SIAH1: variants seen among roughly 807,000 people sequenced by gnomAD.
SIAH1 encodes the protein siah E3 ubiquitin protein ligase 1, also known as E3 ubiquitin-protein ligase SIAH1.
In SIAH1, 2 loss-of-function variants were observed where a neutral mutation model predicts 20.0. That is an observed-to-expected ratio of 0.10 (90% CI 0.04 to 0.31). The LOEUF (loss-of-function observed/expected upper bound fraction) is 0.31. Among genes scored for constraint, SIAH1 ranks in the 10% least tolerant of loss-of-function variants. The probability of loss-of-function intolerance (pLI) is 1.00; values close to 1 mark genes in which losing one functional copy is unlikely to be tolerated. For missense variants in SIAH1, 119 were observed against 355.3 expected, an observed-to-expected ratio of 0.33 and a Z score of 5.35; for synonymous variants, 118 against 125.3, an observed-to-expected ratio of 0.94 and a Z score of 0.39.
At chr16:48,384,327 T>G (rs887802965) in intron 1 of SIAH1, among the ~76,000 whole-genome samples, 17 of 152,188 alleles carry the variant, frequency 1.1e-4, no homozygotes, top group Middle Eastern at 3.2e-3. Flanking sequence ...GCTGGACTTT[T>G]CTGAATGTCC....
At chr16:48,374,817 G>C (rs1439514646) in intron 1 of SIAH1, among the ~76,000 whole-genome samples, 1 of 152,162 alleles carries the variant, frequency 6.6e-6, no homozygotes, top group Non-Finnish European at 1.5e-5. Flanking sequence ...GGCTCAAACT[G>C]AATAACTTTG....
chr16:48,369,435 C>T (rs1402178535), intron 1 of SIAH1, among the ~76,000 whole-genome samples: 1 of 152,198 alleles, frequency 6.6e-6, no homozygotes, highest in Non-Finnish European at 1.5e-5. Flanking sequence ...GAGGCTTCCA[C>T]CCAAGCTAAA....
intron 1 of SIAH1, among the ~76,000 whole-genome samples, chr16:48,367,975 G>A (rs1245505048): frequency 1.3e-5 from 2 of 152,190 alleles, no homozygotes; most frequent in Non-Finnish European, 2.9e-5. Context: ...TTTAGAATCA[G>A]CCTTTAATGT....
upstream of SIAH1, among the ~76,000 whole-genome samples, chr16:48,386,497 A>G (rs1425426226): frequency 6.6e-6 from 1 of 152,172 alleles, no homozygotes; most frequent in Non-Finnish European, 1.5e-5. Flanking sequence ...ACAGAGCGAG[A>G]CTCTGTCTCA....
chr16:48,373,553 C>CACT (rs1297855364), intron 1 of SIAH1, among the ~76,000 whole-genome samples: 1 of 152,150 alleles, frequency 6.6e-6, no homozygotes, highest in Non-Finnish European at 1.5e-5. Context: ...CTACCTCTAC[C>CACT]ACTACCATCT....
rs778144021 is a variant in SIAH1, at chr16:48,385,294, T to C, written c.-93A>G. On this transcript the variant is annotated 5_prime_UTR_variant, in exon 1 of 2. Transcript: ENST00000394725. The stretch of plus-strand genomic sequence containing the variant: ...CCACCGCGGGCAGCGCCACCGCCTC[T>C]TCCCGGCGCCGAGACCGACGGGACA... 33 of 282,052 alleles carry C rather than the reference T, an allele frequency of 1.2e-4. No homozygotes were observed. The highest frequency in any genetic ancestry group is 7.9e-4 in the South Asian group (30 of 38,148). The allele number at this position is 282,052 out of a possible 1,614,324, so 17.5% of individuals were successfully genotyped here.
chr16:48,363,938 ATCT>A (rs2151045844), intron 1 of SIAH1: 1 of 124,594 alleles, frequency 8.0e-6, no homozygotes, highest in African/African-American at 3.1e-5. Flanking sequence ...CTAAGCCATA[ATCT>A]TTTTTTTTTT....
At chr16:48,369,996 A>T (rs74713666) in intron 1 of SIAH1, among the ~76,000 whole-genome samples, 1 of 152,208 alleles carries the variant, frequency 6.6e-6, no homozygotes, top group Admixed American at 6.5e-5. Context: ...ACAGCTTACA[A>T]TCCTGGTCAC....
At chr16:48,372,790 G>A (rs1421639876) in intron 1 of SIAH1, among the ~76,000 whole-genome samples, 1 of 152,138 alleles carries the variant, frequency 6.6e-6, no homozygotes, top group Non-Finnish European at 1.5e-5. Context: ...TTTCATAACC[G>A]TAAGTCAATC....
rs1374611846 is a variant in SIAH1 at position 48,361,953 on chromosome 16, T to G, written c.476A>C (p.Gln159Pro). 6.2e-7 allele frequency: 1 copy of G among 1,614,120 alleles called. No individual in the cohort carries two copies. The highest frequency in any genetic ancestry group is 8.5e-7 in the Non-Finnish European group (1 of 1,180,012). Reference protein sequence around the residue: ...MHQHKSITTLQGEDIVFLATD... With the variant: ...MHQHKSITTLPGEDIVFLATD... Reference sequence around the variant, plus strand: ...AGCAAGAAAAACTATATCCTCTCCCTGTAGGGTTGTAATGGACTTATGCTG... The same window carrying G: ...AGCAAGAAAAACTATATCCTCTCCCGGTAGGGTTGTAATGGACTTATGCTG... The change falls in exon 2 of 2, where the codon CAG becomes CCG. Residue 159 changes from glutamine (Q) to proline (P), a missense_variant. Gln to Pro is a moderately conservative substitution (Grantham distance 76). Transcript: ENST00000394725.
In SIAH1 at chr16:48,361,463, C is replaced by T; in HGVS notation, c.*117G>A. 1.1e-6 allele frequency: 1 copy of T among 935,084 alleles called. No individual in the cohort carries two copies. Among genetic ancestry groups the T allele is most frequent in the Non-Finnish European group, 1.7e-6 (1 of 601,346 alleles). 57.9% of individuals were successfully genotyped at this position (935,084 alleles called of 1,614,324 possible). A position where few individuals can be genotyped will look rare whatever the true frequency, so the allele number is the denominator to read the frequency against. On this transcript the variant is annotated 3_prime_UTR_variant, in exon 2 of 2. Coordinates refer to ENST00000394725, the MANE Select transcript of SIAH1 (RefSeq NM_003031.4). ...TTTAACAGCCTTTCTTTTTATTTACCTTCATGTGTCTAGCTTCCACCTACC... is the reference window on the plus strand; with the variant it reads ...TTTAACAGCCTTTCTTTTTATTTACTTTCATGTGTCTAGCTTCCACCTACC...
Position 48,361,807 on chromosome 16 carries a change from T to C in SIAH1, c.622A>G (p.Ile208Val), listed in dbSNP as rs1331334425. The part of the protein sequence containing the change: ...KYDGHQQFFA[I>V]VQLIGTRKQA... ...TTGCGTGTTCCTATCAGCTGTACGA[T>C]TGCGAAGAACTGCTGGTGACCATCG... Residue 208 changes from isoleucine (I) to valine (V), a missense_variant, in exon 2 of 2, where the codon ATC becomes GTC. Around this residue, in one of 2 missense-constraint regions of SIAH1, gnomAD observed 84 missense variants for 307.8 expected, o/e 0.27. Transcript: ENST00000394725. 3 of 1,614,078 alleles carry C rather than the reference T, an allele frequency of 1.9e-6. No individual in the cohort carries two copies. Among genetic ancestry groups the C allele is most frequent in the Non-Finnish European group, 1.7e-6 (2 of 1,180,040 alleles).
intron 1 of SIAH1, among the ~76,000 whole-genome samples, chr16:48,378,692 C>CTTG (rs1184298378): frequency 2.6e-5 from 4 of 152,302 alleles, no homozygotes; most frequent in Admixed American, 2.6e-4. Context: ...CTAATATCAG[C>CTTG]TAACACTTCA....
chr16:48,385,293 C>A lies in SIAH1; in HGVS notation c.-92G>T. On this transcript the variant is annotated 5_prime_UTR_variant, in exon 1 of 2. Transcript: ENST00000394725. ...GCCACCGCGGGCAGCGCCACCGCCT[C>A]TTCCCGGCGCCGAGACCGACGGGAC... is the stretch of plus-strand genomic sequence containing the variant. 3.5e-6 allele frequency: 1 copy of A among 283,190 alleles called. No homozygotes were observed. Among genetic ancestry groups the A allele is most frequent in the South Asian group, 2.6e-5 (1 of 38,286 alleles). 17.5% of individuals were successfully genotyped at this position (283,190 alleles called of 1,614,324 possible).
At chr16:48,372,312 T>C (rs1326450773) in intron 1 of SIAH1, among the ~76,000 whole-genome samples, 1 of 152,218 alleles carries the variant, frequency 6.6e-6, no homozygotes, top group Non-Finnish European at 1.5e-5. Context: ...ACATAAGCAG[T>C]ACCACCTGAA....
At chr16:48,381,686 T>C (rs1961297876) in intron 1 of SIAH1, among the ~76,000 whole-genome samples, 2 of 152,068 alleles carry the variant, frequency 1.3e-5, no homozygotes. Flanking sequence ...CAGTTACACA[T>C]ATGACATTCT....
At chr16:48,370,763 G>A (rs1224606743) in intron 1 of SIAH1, among the ~76,000 whole-genome samples, 4 of 148,868 alleles carry the variant, frequency 2.7e-5, no homozygotes, top group East Asian at 2.0e-4. Flanking sequence ...CCCAGATCAC[G>A]ACACTGCCCT....
At chr16:48,365,075 T>G in intron 1 of SIAH1, 1 of 280,972 alleles carries the variant, frequency 3.6e-6, no homozygotes, top group Non-Finnish European at 6.8e-6. Context: ...GGAACGGAGG[T>G]ATTACAGGAC....
upstream of SIAH1, chr16:48,386,946 G>A (rs1050521146): frequency 2.6e-5 from 4 of 152,280 alleles, no homozygotes; most frequent in Admixed American, 2.0e-4. Context: ...CTTTGCCAAA[G>A]TCAGATTTTG....
Sources: allele counts gnomAD v4.1 joint callset (sites outside exome capture counted in the v4.1 genomes callset), GRCh38; gene constraint gnomAD v4.1.1; regional missense constraint gnomAD v4.1.1; transcripts MANE v1.5; gene names NCBI Gene and HGNC (gene_info 2026-07-23, HGNC 2026-07-21).